ADAM7: variants seen among roughly 807,000 people sequenced by gnomAD.
The protein encoded by ADAM7 is disintegrin and metalloproteinase domain-containing protein 7.
Under a neutral mutation model 102.9 loss-of-function variants are expected in ADAM7, and 97 were observed. The observed-to-expected ratio is 0.94, with a 90% confidence interval of 0.80 to 1.12. The LOEUF (loss-of-function observed/expected upper bound fraction) is 1.12, where lower values mean the gene tolerates loss of function less well. ADAM7 is among the 50% of genes most tolerant of loss of function. The pLI, the probability that ADAM7 is intolerant of heterozygous loss-of-function variation, is 0.00. For missense variants in ADAM7, 991 were observed against 908.7 expected (o/e 1.09, Z -1.16); for synonymous variants, 334 against 304.4 (o/e 1.10, Z -1.01).
At chr8:24,464,177 T>C (rs537426755) in intron 4 of ADAM7, among the ~76,000 whole-genome samples, 5 of 152,316 alleles carry the variant, frequency 3.3e-5, no homozygotes, top group Non-Finnish European at 5.9e-5. Context: ...ACTGCTAATA[T>C]AGCTTTGCTT....
At chr8:24,466,647 TATC>T in intron 5 of ADAM7, 149 bp from the exon 6 acceptor site, 2 of 635,760 alleles carry the variant, frequency 3.1e-6, no homozygotes, top group South Asian at 4.5e-5. Flanking sequence ...AAAGGCCTCA[TATC>T]ATCACATTTC....
At chr8:24,471,073 G>T (rs1819585854) in intron 7 of ADAM7, among the ~76,000 whole-genome samples, 1 of 151,682 alleles carries the variant, frequency 6.6e-6, no homozygotes, top group Non-Finnish European at 1.5e-5. Context: ...TTTTGTCTTA[G>T]CTTTTAACAA....
chr8:24,490,596 T>C, intron 12 of ADAM7: 1 of 547,866 alleles, frequency 1.8e-6, no homozygotes. Flanking sequence ...ACCCGTAATG[T>C]ACCAAACAGC....
intron 8 of ADAM7, among the ~76,000 whole-genome samples, chr8:24,476,976 T>C (rs562242714): frequency 6.6e-6 from 1 of 152,264 alleles, no homozygotes; most frequent in Non-Finnish European, 1.5e-5. Context: ...AAATTGTGAA[T>C]GGCAACACAT....
At chr8:24,444,481 C>G (rs1270085748) in intron 2 of ADAM7, among the ~76,000 whole-genome samples, 2 of 151,752 alleles carry the variant, frequency 1.3e-5, no homozygotes, top group Non-Finnish European at 2.9e-5. Context: ...GATGAAAACA[C>G]CACCTCAGCC....
intron 8 of ADAM7, among the ~76,000 whole-genome samples, chr8:24,479,113 A>G (rs1040779340): frequency 6.6e-6 from 1 of 151,682 alleles, no homozygotes; most frequent in Non-Finnish European, 1.5e-5. Flanking sequence ...GAGAGCCAGC[A>G]CCTCCCTTCA....
chr8:24,471,123 A>C (rs1425775220), intron 7 of ADAM7, among the ~76,000 whole-genome samples: 1 of 152,130 alleles, frequency 6.6e-6, no homozygotes, highest in Non-Finnish European at 1.5e-5. Flanking sequence ...AAAACAGAAA[A>C]AAGCTTACAG....
At chr8:24,480,232 T>C (rs971445004) in intron 8 of ADAM7, among the ~76,000 whole-genome samples, 2 of 152,216 alleles carry the variant, frequency 1.3e-5, no homozygotes, top group African/African-American at 2.4e-5. Flanking sequence ...TACAAAATTG[T>C]TGCATATTGC....
rs767276097 is a variant in ADAM7, at chr8:24,500,263, A to G, written c.2002+7A>G. 5.4e-5 allele frequency: 87 copies of G among 1,597,892 alleles called. No homozygotes were observed. Among genetic ancestry groups the G allele is most frequent in the Admixed American group, 1.0e-4 (6 of 59,422 alleles). On this transcript the variant is annotated splice_region_variant and intron_variant, in intron 18 of 21. Transcript: ENST00000175238. Reference sequence around the variant, plus strand: ...GAAACCTTACATGTTACCAGTGAGCATCCTAAAACAAAATCTTTCATATAT... The same window carrying G: ...GAAACCTTACATGTTACCAGTGAGCGTCCTAAAACAAAATCTTTCATATAT...
chr8:24,450,475 G>C (rs1323779021), intron 3 of ADAM7, among the ~76,000 whole-genome samples: 1 of 151,546 alleles, frequency 6.6e-6, no homozygotes, highest in African/African-American at 2.4e-5. Flanking sequence ...GTATAAGAAT[G>C]CTTGTGATTT....
intron 3 of ADAM7, among the ~76,000 whole-genome samples, chr8:24,455,119 A>G (rs1818981331): frequency 6.6e-6 from 1 of 152,142 alleles, no homozygotes; most frequent in East Asian, 1.9e-4. Context: ...TGTTGCATCT[A>G]GTTAATGTTC....
rs1820252628 is a variant in ADAM7 at position 24,489,234 on chromosome 8, C to T, written c.1167C>T (p.Cys389=). Residue 389 remains cysteine, a synonymous_variant, in exon 12 of 22, where the codon TGC becomes TGT. Transcript: ENST00000175238. ...ACTTGAAGGATTATAAGCCAACATG[C>T]ATGCTCAACATTCCATTTCCTTACA... The part of the protein sequence containing the change: ...HQYLKDYKPT[C]MLNIPFPYNF... The T allele has an allele frequency of 1.2e-6, 2 of 1,613,526 alleles. No homozygotes were observed. Among genetic ancestry groups the T allele is most frequent in the South Asian group, 1.1e-5 (1 of 91,024 alleles).
At chr8:24,505,539 T>A (rs1820922117) in intron 20 of ADAM7, among the ~76,000 whole-genome samples, 1 of 152,144 alleles carries the variant, frequency 6.6e-6, no homozygotes, top group African/African-American at 2.4e-5. Context: ...GACACAGTTA[T>A]CCATCAAAGA....
chr8:24,487,323 A>G lies in ADAM7; in HGVS notation c.1091+6A>G, dbSNP rs773429892. The G allele has an allele frequency of 1.2e-6, 2 of 1,613,088 alleles. No individual in the cohort carries two copies. The highest frequency in any genetic ancestry group is 1.7e-6 in the Non-Finnish European group (2 of 1,179,550). On this transcript the variant is annotated splice_donor_region_variant and intron_variant, in intron 11 of 21. Coordinates refer to ENST00000175238, the MANE Select transcript of ADAM7 (RefSeq NM_003817.4). Reference sequence around the variant, plus strand: ...GTGATGGACAGTGATGGAAGGTGAGATTCGAACAATGTACAGAATACACTT... The same window carrying G: ...GTGATGGACAGTGATGGAAGGTGAGGTTCGAACAATGTACAGAATACACTT...
intron 9 of ADAM7, among the ~76,000 whole-genome samples, chr8:24,483,505 C>T (rs74884346): frequency 0.02 from 2,985 of 152,220 alleles, 104 homozygotes; most frequent in African/African-American, 0.068. Context: ...ACTTTCAGTC[C>T]GAACTCAAAA....
chr8:24,466,535 C>T (rs1037848324), intron 5 of ADAM7, among the ~76,000 whole-genome samples: 3 of 152,144 alleles, frequency 2.0e-5, no homozygotes, highest in Admixed American at 2.0e-4. Flanking sequence ...CCACAACCAC[C>T]AGTGGGACTT....
intron 12 of ADAM7, 102 bp from the exon 13 acceptor site, chr8:24,490,697 A>T: frequency 8.7e-7 from 1 of 1,144,536 alleles, no homozygotes; most frequent in Non-Finnish European, 1.3e-6. Flanking sequence ...ATGCATCACT[A>T]TTTAACTCTA....
chr8:24,493,133 G>A lies in ADAM7; in HGVS notation c.1746G>A (p.Gln582=), dbSNP rs770997543. The change falls in exon 16 of 22, where the codon CAG becomes CAA. Residue 582 remains glutamine, a synonymous_variant. Coordinates refer to ENST00000175238, the MANE Select transcript of ADAM7 (RefSeq NM_003817.4). ...AGACTTATCACCTTAAGGATCCCCA[G>A]AAGAATGCTACTGTCAAATGCAAAA... ...EDKTYHLKDP[Q]KNATVKCKTI... 4 of 1,613,274 alleles carry A rather than the reference G, an allele frequency of 2.5e-6. No homozygotes were observed. Among genetic ancestry groups the A allele is most frequent in the Admixed American group, 1.7e-5 (1 of 59,916 alleles).
Position 24,503,296 on chromosome 8 carries a change from T to C in ADAM7, c.2208+1720T>C, listed in dbSNP as rs754539190. On this transcript the variant is annotated intron_variant, in intron 20 of 21. Coordinates refer to ENST00000175238, the MANE Select transcript of ADAM7 (RefSeq NM_003817.4). ...CAAATCACAGCTTGTTCAATAATTG[T>C]AGCAACAGCGATAATTTCCAATACA... 1.7e-3 allele frequency among the ~76,000 whole-genome samples: 263 copies of C among 152,272 alleles called. 5 individuals are homozygous for C. Among genetic ancestry groups the C allele is most frequent in the Non-Finnish European group, 4.3e-4 (29 of 68,024 alleles).
Sources: gnomAD v4.1 joint callset for allele counts (sites outside exome capture counted in the v4.1 genomes callset) on GRCh38, gnomAD v4.1.1 for gene constraint, MANE v1.5 for transcripts, NCBI Gene and HGNC (gene_info 2026-07-23, HGNC 2026-07-21) for gene names.